Variants in SYNPR observed in about 807,000 individuals in gnomAD.
SYNPR encodes synaptoporin.
Under a neutral mutation model 32.9 loss-of-function variants are expected in SYNPR, and 23 were observed. The observed-to-expected ratio is 0.70, with a 90% confidence interval of 0.50 to 0.99. SYNPR has a LOEUF of 0.99. Among genes scored for constraint, SYNPR ranks in the 50% least tolerant of loss-of-function variants. The pLI is 0.00. For missense variants in SYNPR, 318 were observed against 349.3 expected (o/e 0.91, Z 0.71); for synonymous variants, 146 against 135.9 (o/e 1.07, Z -0.52).
At chr3:63,614,944 C>A (rs977542226) in intron 5 of SYNPR, among the ~76,000 whole-genome samples, 1 of 152,156 alleles carries the variant, frequency 6.6e-6, no homozygotes, top group African/African-American at 2.4e-5. Context: ...CTTTCCACAT[C>A]TTTAATGTGG....
Position 63,278,687 on chromosome 3 carries a change from C to A in SYNPR, c.29C>A (p.Ala10Glu). ...CTCATTCCCCCAAAGCTGGCCTCTG[C>A]GGGCACCTTCCGGGTGCTGAAGGAG... Reference protein sequence around the residue: MDPVSQLASAGTFRVLKEPL... With the variant: MDPVSQLASEGTFRVLKEPL... The change falls in exon 2 of 6, where the codon GCG becomes GAG. Residue 10 changes from alanine to glutamate, a missense_variant. Transcript: ENST00000478300. The A allele has an allele frequency of 6.4e-7, 1 of 1,551,694 alleles. No homozygotes were observed. The highest frequency in any genetic ancestry group is 1.2e-5 in the South Asian group (1 of 84,062).
At chr3:63,399,932 C>T (rs748349618) in intron 2 of SYNPR, among the ~76,000 whole-genome samples, 5 of 152,222 alleles carry the variant, frequency 3.3e-5, no homozygotes, top group South Asian at 2.1e-4. Flanking sequence ...TTATTTTGTG[C>T]GTATCCTATT....
At chr3:63,462,908 G>A (rs1311196224) in intron 2 of SYNPR, among the ~76,000 whole-genome samples, 1 of 152,160 alleles carries the variant, frequency 6.6e-6, no homozygotes, top group Non-Finnish European at 1.5e-5. Flanking sequence ...GTGCTTGTGT[G>A]AACATACAGG....
Position 63,595,743 on chromosome 3 carries a change from ATATATATATATATATATATATATAT to A in SYNPR, c.409-13381_409-13357del, listed in dbSNP as rs1699930351. Among the ~76,000 whole-genome samples, 11 of 47,184 alleles carry A rather than the reference ATATATATATATATATATATATATAT, an allele frequency of 2.3e-4. 1 individual carries two copies. Among genetic ancestry groups the A allele is most frequent in the African/African-American group, 4.0e-4 (2 of 4,952 alleles). The allele number at this position is 47,184 out of a possible 152,430, so 31.0% of individuals were successfully genotyped here. A position where few individuals can be genotyped will look rare whatever the true frequency, so the allele number is the denominator to read the frequency against. ...TATATATATATATATATATATATAT[ATATATATATATATATATATATATAT>A]AATTTTATATATATATAGTTATATA... On this transcript the variant is annotated intron_variant, in intron 4 of 5. Coordinates refer to ENST00000478300, the MANE Select transcript of SYNPR (RefSeq NM_001130003.2).
At chr3:63,522,313 G>T (rs1000308425) in intron 3 of SYNPR, among the ~76,000 whole-genome samples, 1 of 152,112 alleles carries the variant, frequency 6.6e-6, no homozygotes, top group Non-Finnish European at 1.5e-5. Flanking sequence ...TTGACCCTCA[G>T]TTTCTTAGTC....
intron 2 of SYNPR, among the ~76,000 whole-genome samples, chr3:63,365,880 T>A (rs1368612416): frequency 1.3e-5 from 2 of 152,106 alleles, no homozygotes; most frequent in Non-Finnish European, 2.9e-5. Flanking sequence ...GAGTGATGAG[T>A]CCATTAATAG....
At position 63,595,749 on chromosome 3, in the gene SYNPR, ATATATATATATATATATAT is replaced by A. The variant is rs1559546212; in HGVS notation, c.409-13375_409-13357del. On this transcript the variant is annotated intron_variant, in intron 4 of 5. Transcript: ENST00000478300. ...TATATATATATATATATATATATAT[ATATATATATATATATATAT>A]AATTTTATATATATATAGTTATATA... Among the ~76,000 whole-genome samples, 121 of 44,400 alleles carry A rather than the reference ATATATATATATATATATAT, an allele frequency of 2.7e-3. 4 individuals carry two copies. The highest frequency in any genetic ancestry group is 0.011 in the East Asian group (10 of 888). 29.1% of individuals were successfully genotyped at this position (44,400 alleles called of 152,430 possible). A position where few individuals can be genotyped will look rare whatever the true frequency, so the allele number is the denominator to read the frequency against.
chr3:63,602,821 T>A (rs557349036), intron 4 of SYNPR, among the ~76,000 whole-genome samples: 1 of 152,234 alleles, frequency 6.6e-6, no homozygotes, highest in African/African-American at 2.4e-5. Context: ...ATTGCCTTGG[T>A]CATTCAGGCT....
chr3:63,470,661 C>G (rs1700779251), intron 2 of SYNPR, among the ~76,000 whole-genome samples: 3 of 152,150 alleles, frequency 2.0e-5, no homozygotes, highest in East Asian at 3.9e-4. Context: ...CTGTGTCAGA[C>G]AGTGGAGGCT....
chr3:63,235,182 T>C (rs1027878811), intron 1 of SYNPR, among the ~76,000 whole-genome samples: 1 of 152,200 alleles, frequency 6.6e-6, no homozygotes, highest in Non-Finnish European at 1.5e-5. Flanking sequence ...AGATACTGAA[T>C]AGCACCAACA....
chr3:63,265,060 G>A (rs1050986522), intron 2 of SYNPR, among the ~76,000 whole-genome samples: 1 of 152,148 alleles, frequency 6.6e-6, no homozygotes, highest in Middle Eastern at 3.4e-3. Flanking sequence ...AATAGCCCTT[G>A]CTCTCTAAAA....
At chr3:63,562,669 T>C (rs896032347) in intron 4 of SYNPR, among the ~76,000 whole-genome samples, 3 of 152,222 alleles carry the variant, frequency 2.0e-5, no homozygotes, top group Admixed American at 2.0e-4. Context: ...ATTAACCCTA[T>C]TCTACAGATT....
At chr3:63,302,002 T>G (rs1260115285) in intron 2 of SYNPR, among the ~76,000 whole-genome samples, 1 of 152,090 alleles carries the variant, frequency 6.6e-6, no homozygotes, top group Non-Finnish European at 1.5e-5. Flanking sequence ...TACTTCATGG[T>G]AGGCACCCAA....
chr3:63,501,747 T>G (rs1450808502), intron 3 of SYNPR, among the ~76,000 whole-genome samples: 1 of 152,170 alleles, frequency 6.6e-6, no homozygotes, highest in Non-Finnish European at 1.5e-5. Context: ...CATAATTGAC[T>G]ACATTGTTAT....
At chr3:63,362,570 C>A (rs1292844618) in intron 2 of SYNPR, among the ~76,000 whole-genome samples, 5 of 152,128 alleles carry the variant, frequency 3.3e-5, no homozygotes, top group African/African-American at 1.2e-4. Context: ...GTAAAGTAAC[C>A]TTTATCTTCA....
chr3:63,414,023 T>TAGAG (rs758540937), intron 2 of SYNPR, among the ~76,000 whole-genome samples: 1 of 145,436 alleles, frequency 6.9e-6, no homozygotes. Context: ...TATATATATA[T>TAGAG]AGAGAGAGAG....
At chr3:63,335,698 CT>C (rs2087283110) in intron 2 of SYNPR, among the ~76,000 whole-genome samples, 1 of 150,736 alleles carries the variant, frequency 6.6e-6, no homozygotes, top group Non-Finnish European at 1.5e-5. Context: ...CACACTCTCC[CT>C]TTTGCTTGCC....
intron 2 of SYNPR, among the ~76,000 whole-genome samples, chr3:63,426,118 A>G (rs1410541670): frequency 6.6e-6 from 1 of 152,222 alleles, no homozygotes; most frequent in Non-Finnish European, 1.5e-5. Flanking sequence ...CTAGCATATA[A>G]TAAGTGTTCA....
chr3:63,363,409 A>G (rs2087688038), intron 2 of SYNPR, among the ~76,000 whole-genome samples: 1 of 152,218 alleles, frequency 6.6e-6, no homozygotes, highest in Admixed American at 6.5e-5. Context: ...AAGTGAGAAG[A>G]ATTGTCTCTG....
Sources: gnomAD v4.1 joint callset for allele counts (sites outside exome capture counted in the v4.1 genomes callset) on GRCh38, gnomAD v4.1.1 for gene constraint, MANE v1.5 for transcripts, NCBI Gene and HGNC (gene_info 2026-07-23, HGNC 2026-07-21) for gene names.